The following ROCK1 variants were observed in gnomAD, a reference collection of about 807,000 sequenced individuals.
ROCK1 encodes Rho associated coiled-coil containing protein kinase 1.
ROCK1 carries 36 observed loss-of-function variants against 196.8 expected under a neutral mutation model. That is an observed-to-expected ratio of 0.18 (90% CI 0.14 to 0.24). ROCK1 has a LOEUF of 0.24. ROCK1 is among the 10% of genes least tolerant of loss of function. ROCK1 has a pLI of 1.00. For synonymous variants in ROCK1, 443 were observed against 515.9 expected (o/e 0.86, Z 1.91); for missense variants, 920 against 1,562.0 (o/e 0.59, Z 6.93).
chr18:21,109,124 A>G (rs767857396), intron 1 of ROCK1, among the ~76,000 whole-genome samples: 1 of 152,218 alleles, frequency 6.6e-6, no homozygotes, highest in Non-Finnish European at 1.5e-5. Context: ...CCAAGAACAT[A>G]CATTATCTAA....
intron 2 of ROCK1, among the ~76,000 whole-genome samples, chr18:21,066,923 T>C (rs1024079763): frequency 5.3e-5 from 8 of 152,240 alleles, no homozygotes; most frequent in South Asian, 2.1e-4. Flanking sequence ...TATGCTTTCA[T>C]TTCTTTTCAG....
chr18:21,011,086 G>A (rs951074741), intron 13 of ROCK1, among the ~76,000 whole-genome samples: 12 of 152,206 alleles, frequency 7.9e-5, no homozygotes, highest in African/African-American at 2.9e-4. Flanking sequence ...GTTTCTGACA[G>A]ATATATAAAT....
At chr18:21,017,768 C>T (rs926167627) in intron 12 of ROCK1, among the ~76,000 whole-genome samples, 1 of 151,516 alleles carries the variant, frequency 6.6e-6, no homozygotes, top group Non-Finnish European at 1.5e-5. Flanking sequence ...GCCAGGAGAT[C>T]GAGACCATCC....
intron 2 of ROCK1, among the ~76,000 whole-genome samples, chr18:21,051,660 C>T (rs761717123): frequency 3.3e-5 from 5 of 151,996 alleles, no homozygotes; most frequent in African/African-American, 9.7e-5. Context: ...ATTTAAGTAC[C>T]GAAAACCGTT....
intron 2 of ROCK1, among the ~76,000 whole-genome samples, chr18:21,055,413 T>C (rs1347156343): frequency 6.6e-6 from 1 of 152,164 alleles, no homozygotes. Context: ...GCTAATGATC[T>C]TGTTTGGCTA....
intron 1 of ROCK1, among the ~76,000 whole-genome samples, chr18:21,104,000 C>T (rs2036681465): frequency 6.6e-6 from 1 of 152,182 alleles, no homozygotes; most frequent in Non-Finnish European, 1.5e-5. Flanking sequence ...TGTGTCGTAT[C>T]CAACAGCTAT....
intron 20 of ROCK1, 33 bp from the exon 21 acceptor site, chr18:20,982,865 G>A (rs538218166): frequency 8.9e-6 from 9 of 1,007,194 alleles, no homozygotes; most frequent in Admixed American, 6.1e-5. Flanking sequence ...GTGAACAAAC[G>A]CTCCTACTTA....
At chr18:21,071,976 T>C (rs1418730865) in intron 1 of ROCK1, among the ~76,000 whole-genome samples, 1 of 152,214 alleles carries the variant, frequency 6.6e-6, no homozygotes. Context: ...TTTATTTCTG[T>C]TACTGACATT....
intron 2 of ROCK1, among the ~76,000 whole-genome samples, chr18:21,058,821 T>C (rs191754742): frequency 6.7e-4 from 102 of 152,280 alleles, no homozygotes; most frequent in African/African-American, 2.5e-3. Context: ...TCAAGTGATC[T>C]ACCTGCCTCG....
At chr18:21,088,859 CCCT>C (rs1457991551) in intron 1 of ROCK1, among the ~76,000 whole-genome samples, 1 of 152,070 alleles carries the variant, frequency 6.6e-6, no homozygotes, top group Non-Finnish European at 1.5e-5. Flanking sequence ...AGAGACTAGA[CCCT>C]CATCAGAGAA....
chr18:21,070,475 T>C (rs1016764204), intron 2 of ROCK1, 57 bp downstream of exon 2: 23 of 885,744 alleles, frequency 2.6e-5, no homozygotes, highest in Non-Finnish European at 3.7e-5. Context: ...TTGAATGACA[T>C]AAGTGAAAAT....
chr18:21,000,199 G>C (rs1008872230), intron 16 of ROCK1, among the ~76,000 whole-genome samples: 5 of 151,864 alleles, frequency 3.3e-5, no homozygotes, highest in African/African-American at 1.2e-4. Flanking sequence ...CAAACACACA[G>C]ACCAATGGAA....
intron 20 of ROCK1, 25 bp from the exon 21 acceptor site, chr18:20,982,857 G>C: frequency 8.9e-7 from 1 of 1,123,430 alleles, no homozygotes; most frequent in East Asian, 2.4e-5. Context: ...AAAAACAAGT[G>C]AACAAACGCT....
intron 29 of ROCK1, chr18:20,955,563 T>C (rs369175455): frequency 0.013 from 2,773 of 206,996 alleles, 34 homozygotes; most frequent in Middle Eastern, 0.048. Flanking sequence ...ACTAAACATA[T>C]GCTTACCATA....
chr18:21,082,812 ATTGGAAGTTT>A (rs1189485090), intron 1 of ROCK1, among the ~76,000 whole-genome samples: 1 of 152,200 alleles, frequency 6.6e-6, no homozygotes, highest in East Asian at 1.9e-4. Context: ...TCAACTCATT[ATTGGAAGTTT>A]TTGCCAGAGC....
chr18:21,004,409 T>C (rs2035751774), intron 16 of ROCK1, among the ~76,000 whole-genome samples: 1 of 152,170 alleles, frequency 6.6e-6, no homozygotes, highest in Admixed American at 6.5e-5. Flanking sequence ...CAATGCACTT[T>C]TATATGTATG....
chr18:21,009,789 CT>C (rs1466416254), intron 13 of ROCK1, among the ~76,000 whole-genome samples: 1 of 152,128 alleles, frequency 6.6e-6, no homozygotes, highest in Non-Finnish European at 1.5e-5. Context: ...TTAATTTGCA[CT>C]TCCCAAATGA....
At chr18:21,024,639 A>G (rs1356262307) in intron 10 of ROCK1, among the ~76,000 whole-genome samples, 3 of 152,360 alleles carry the variant, frequency 2.0e-5, no homozygotes, top group South Asian at 2.1e-4. Context: ...AGAACAGTTT[A>G]AGTAAATTTT....
intron 1 of ROCK1, among the ~76,000 whole-genome samples, chr18:21,090,878 A>C (rs1161866140): frequency 6.6e-6 from 1 of 152,184 alleles, no homozygotes; most frequent in Non-Finnish European, 1.5e-5. Flanking sequence ...ACAATAGATC[A>C]GAAGCATAAA....
Sources: allele counts gnomAD v4.1 joint callset (sites outside exome capture counted in the v4.1 genomes callset), GRCh38; gene constraint gnomAD v4.1.1; transcripts MANE v1.5; gene names NCBI Gene and HGNC (gene_info 2026-07-23, HGNC 2026-07-21).